The following FAM178B variants were observed in gnomAD, a reference collection of about 807,000 sequenced individuals.
The protein encoded by FAM178B is protein FAM178B.
Under a neutral mutation model 91.7 loss-of-function variants are expected in FAM178B, and 82 were observed. The observed-to-expected ratio is 0.89, with a 90% confidence interval of 0.75 to 1.07. The LOEUF (loss-of-function observed/expected upper bound fraction) is 1.07, where lower values mean the gene tolerates loss of function less well. Among genes scored for constraint, FAM178B ranks in the 50% least tolerant of loss-of-function variants. FAM178B has a pLI of 0.00. For missense variants in FAM178B, 769 were observed against 846.7 expected, an observed-to-expected ratio of 0.91 and a Z score of 1.14; for synonymous variants, 368 against 359.4, an observed-to-expected ratio of 1.02 and a Z score of -0.27.
At chr2:96,911,678 C>T (rs753062383) in intron 12 of FAM178B, among the ~76,000 whole-genome samples, 3 of 152,138 alleles carry the variant, frequency 2.0e-5, no homozygotes, top group South Asian at 2.1e-4. Flanking sequence ...GATGCTCTGG[C>T]GGAAATCCAA....
intron 12 of FAM178B, among the ~76,000 whole-genome samples, chr2:96,910,463 C>A (rs1285409550): frequency 6.6e-6 from 1 of 152,242 alleles, no homozygotes; most frequent in Non-Finnish European, 1.5e-5. Context: ...ACGGCAAAAG[C>A]AAAATACGAA....
chr2:96,888,670 G>A (rs2153368040), intron 14 of FAM178B, among the ~76,000 whole-genome samples: 1 of 152,348 alleles, frequency 6.6e-6, no homozygotes, highest in East Asian at 1.9e-4. Flanking sequence ...CGGGAGCGAA[G>A]CAGTAAAACT....
chr2:96,894,983 T>C lies in FAM178B; in HGVS notation c.1651-932A>G, dbSNP rs1426896963. 5.8e-6 allele frequency: 7 copies of C among 1,216,878 alleles called. No homozygotes were observed. The South Asian group carries it at 6.3e-5, about 11-fold the overall frequency. 75.4% of individuals were successfully genotyped at this position (1,216,878 alleles called of 1,614,324 possible). A position where few individuals can be genotyped will look rare whatever the true frequency, so the allele number is the denominator to read the frequency against. The stretch of plus-strand genomic sequence containing the variant: ...CCCACCCTCCCTTGCATCCCTCTCT[T>C]TTGGTTTAACTCTTCTCTGTGGAGG... On this transcript the variant is annotated intron_variant, in intron 13 of 16. Coordinates refer to ENST00000490605, the MANE Select transcript of FAM178B (RefSeq NM_001122646.3).
intron 10 of FAM178B, 108 bp downstream of exon 10, chr2:96,923,382 G>T: frequency 3.6e-6 from 3 of 842,590 alleles, no homozygotes; most frequent in Non-Finnish European, 5.8e-6. Flanking sequence ...GCCTGCCATG[G>T]TGCTGAGCTC....
At chr2:96,876,936 A>G (rs1043276424) in intron 16 of FAM178B, among the ~76,000 whole-genome samples, 2 of 152,052 alleles carry the variant, frequency 1.3e-5, no homozygotes, top group African/African-American at 2.4e-5. Context: ...GAGGCTTGGG[A>G]GTCAGGCTGG....
intron 13 of FAM178B, among the ~76,000 whole-genome samples, chr2:96,901,097 T>G (rs1050524223): frequency 6.6e-6 from 1 of 151,684 alleles, no homozygotes; most frequent in Non-Finnish European, 1.5e-5. Flanking sequence ...TGAAGTGACG[T>G]CCTCTGAGCT....
intron 16 of FAM178B, among the ~76,000 whole-genome samples, chr2:96,877,245 G>A (rs2080265278): frequency 6.6e-6 from 1 of 152,150 alleles, no homozygotes; most frequent in Non-Finnish European, 1.5e-5. Flanking sequence ...CAGGCCCACA[G>A]CACAAGTGAA....
At chr2:96,893,023 A>G (rs1049373070) in intron 14 of FAM178B, among the ~76,000 whole-genome samples, 1 of 152,190 alleles carries the variant, frequency 6.6e-6, no homozygotes, top group Non-Finnish European at 1.5e-5. Flanking sequence ...GGGGATTAGC[A>G]TATCTCTTTA....
intron 12 of FAM178B, among the ~76,000 whole-genome samples, chr2:96,917,405 G>A (rs965823291): frequency 6.6e-6 from 1 of 152,184 alleles, no homozygotes; most frequent in African/African-American, 2.4e-5. Flanking sequence ...GGCATTTAAA[G>A]GGCAATTGCC....
intron 1 of FAM178B, chr2:96,977,968 G>A (rs1450046382): frequency 2.2e-5 from 10 of 449,962 alleles, no homozygotes; most frequent in Middle Eastern, 4.7e-4. Context: ...GGGGGCGACC[G>A]GCAAGAGGGA....
Position 96,986,316 on chromosome 2 carries a change from G to A in FAM178B, c.-3C>T, listed in dbSNP as rs1449239575. ...GCACCTGGAAGCCTTGGCCACATAG[G>A]GCGGGAAGGGCAGGGCTCCGGGGTG... On this transcript the variant is annotated 5_prime_UTR_variant, in exon 1 of 17. Transcript: ENST00000490605. 1 of 1,533,880 alleles carries A rather than the reference G, an allele frequency of 6.5e-7. No homozygotes were observed. Among genetic ancestry groups the A allele is most frequent in the African/African-American group, 1.4e-5 (1 of 72,992 alleles).
intron 8 of FAM178B, among the ~76,000 whole-genome samples, chr2:96,939,730 T>C (rs2081694825): frequency 6.6e-6 from 1 of 151,946 alleles, no homozygotes; most frequent in South Asian, 2.1e-4. Context: ...ATGGCACGCA[T>C]TGCACACACA....
chr2:96,953,176 C>T (rs1011759624), intron 6 of FAM178B, among the ~76,000 whole-genome samples: 1 of 152,240 alleles, frequency 6.6e-6, no homozygotes, highest in African/African-American at 2.4e-5. Context: ...TACAAATACA[C>T]GTGCACCCCA....
intron 6 of FAM178B, among the ~76,000 whole-genome samples, chr2:96,959,923 ATCACGTGCCC>A (rs2082056358): frequency 1.3e-5 from 2 of 152,200 alleles, no homozygotes; most frequent in South Asian, 2.1e-4. Context: ...GGAAGGGCCC[ATCACGTGCCC>A]TCGATGGCCC....
chr2:96,978,628 C>CT lies in FAM178B; in HGVS notation c.74-6023dup, dbSNP rs70964892. ...GTTGCTACAAGAGATATGATTTCTTCTTTTTTTTTTTTTTTGAGACGGAGT... is the reference window on the plus strand; with the variant it reads ...GTTGCTACAAGAGATATGATTTCTTCTTTTTTTTTTTTTTTTGAGACGGAGT... On this transcript the variant is annotated intron_variant, in intron 1 of 16. Coordinates refer to ENST00000490605, the MANE Select transcript of FAM178B (RefSeq NM_001122646.3). Among the ~76,000 whole-genome samples the CT allele has an allele frequency of 8.8e-3, 1,183 of 134,642 alleles. 32 individuals are homozygous for CT. The highest frequency in any genetic ancestry group is 0.081 in the East Asian group (397 of 4,902). 88.3% of individuals were successfully genotyped at this position (134,642 alleles called of 152,430 possible).
At chr2:96,885,734 G>A (rs1037354905) in intron 14 of FAM178B, among the ~76,000 whole-genome samples, 1 of 152,166 alleles carries the variant, frequency 6.6e-6, no homozygotes, top group Non-Finnish European at 1.5e-5. Context: ...TGACAGGCAG[G>A]GATTGGCGGG....
At chr2:96,956,497 T>C (rs1206228948) in intron 6 of FAM178B, among the ~76,000 whole-genome samples, 7 of 152,186 alleles carry the variant, frequency 4.6e-5, no homozygotes, top group Admixed American at 4.6e-4. Context: ...ACTGCTTAAT[T>C]TGTGCTATTG....
intron 14 of FAM178B, 105 bp from the exon 15 acceptor site, chr2:96,878,598 AG>A: frequency 9.6e-7 from 1 of 1,036,584 alleles, no homozygotes; most frequent in African/African-American, 1.6e-5. Flanking sequence ...CAGGCCAGGC[AG>A]GGGCTCAGTC....
chr2:96,875,985 C>G lies in FAM178B; in HGVS notation c.*291G>C, dbSNP rs962055156. On this transcript the variant is annotated 3_prime_UTR_variant, in exon 17 of 17. Transcript: ENST00000490605. Reference sequence around the variant, plus strand: ...GGACTGAGGCCCAGGGAAACCAGAGCTATGGAGACAGAGGCCTTAGGGAAG... The same window carrying G: ...GGACTGAGGCCCAGGGAAACCAGAGGTATGGAGACAGAGGCCTTAGGGAAG... 6.2e-6 allele frequency: 3 copies of G among 483,724 alleles called. No individual in the cohort carries two copies. The highest frequency in any genetic ancestry group is 2.9e-4 in the Middle Eastern group (1 of 3,426). 30.0% of individuals were successfully genotyped at this position (483,724 alleles called of 1,614,324 possible).
Sources: gnomAD v4.1 joint callset for allele counts (sites outside exome capture counted in the v4.1 genomes callset) on GRCh38, gnomAD v4.1.1 for gene constraint, MANE v1.5 for transcripts, NCBI Gene and HGNC (gene_info 2026-07-23, HGNC 2026-07-21) for gene names.